The following SHLD1 variants were observed in gnomAD, a reference collection of about 807,000 sequenced individuals.
The protein encoded by SHLD1 is shieldin complex subunit 1.
In SHLD1, 3 loss-of-function variants were observed where a neutral mutation model predicts 5.5. The observed-to-expected ratio is 0.54, with a 90% CI of 0.25 to 1.40. The LOEUF (loss-of-function observed/expected upper bound fraction) is 1.40. SHLD1 is among the 40% of genes most tolerant of loss of function. The pLI is 0.15. For synonymous variants in SHLD1, 92 were observed against 94.3 expected, an observed-to-expected ratio of 0.98 and a Z score of 0.14; for missense variants, 210 against 244.4, an observed-to-expected ratio of 0.86 and a Z score of 0.94.
intron 2 of SHLD1, among the ~76,000 whole-genome samples, chr20:5,791,607 A>T (rs1477931544): frequency 1.3e-5 from 2 of 151,700 alleles, no homozygotes; most frequent in Non-Finnish European, 2.9e-5. Flanking sequence ...AAATGATAGA[A>T]CTGAAAAATA....
intron 2 of SHLD1, among the ~76,000 whole-genome samples, chr20:5,820,146 C>T (rs1041474252): frequency 6.6e-6 from 1 of 151,952 alleles, no homozygotes; most frequent in Non-Finnish European, 1.5e-5. Context: ...CAAGGTTTCA[C>T]CATGTTGGTT....
intron 2 of SHLD1, among the ~76,000 whole-genome samples, chr20:5,786,023 GAGA>G (rs927796167): frequency 1.6e-4 from 25 of 152,192 alleles, no homozygotes; most frequent in African/African-American, 6.0e-4. Context: ...ACTAATTGGA[GAGA>G]AGGTGTTGGG....
intron 2 of SHLD1, among the ~76,000 whole-genome samples, chr20:5,809,851 T>C (rs1459770936): frequency 6.6e-6 from 1 of 152,066 alleles, no homozygotes; most frequent in African/African-American, 2.4e-5. Flanking sequence ...TCTAGCCCGA[T>C]AGCGCTGAGG....
At chr20:5,849,293 A>G (rs1167139688) in intron 2 of SHLD1, among the ~76,000 whole-genome samples, 1 of 152,228 alleles carries the variant, frequency 6.6e-6, no homozygotes, top group African/African-American at 2.4e-5. Flanking sequence ...AGAGTGAATC[A>G]GGGCCAATTC....
In SHLD1 at chr20:5,755,454, C is replaced by T. The variant is rs561038771; in HGVS notation, c.-5+4975C>T. The stretch of plus-strand genomic sequence containing the variant: ...AAGTAGAACAGTTTCATCCCAAAAC[C>T]GTCCCCCCACCCCCAGTCCATGGAA... On this transcript the variant is annotated intron_variant, in intron 1 of 2. Transcript: ENST00000303142. Among the ~76,000 whole-genome samples the T allele has an allele frequency of 3.9e-5, 6 of 152,260 alleles. No individual in the cohort carries two copies. The East Asian group carries it at 7.7e-4, about 20-fold the overall frequency.
Position 5,863,592 on chromosome 20 carries a change from G to A in SHLD1, c.*129G>A. ...CCCAATCCCAATTAAGTGCTTTGAGGTTAAAGGCTGGCACCTGTGACCTGG... is the reference window on the plus strand; with the variant it reads ...CCCAATCCCAATTAAGTGCTTTGAGATTAAAGGCTGGCACCTGTGACCTGG... On this transcript the variant is annotated 3_prime_UTR_variant, in exon 3 of 3. Coordinates refer to ENST00000303142, the MANE Select transcript of SHLD1 (RefSeq NM_152504.4). The A allele has an allele frequency of 1.1e-6, 1 of 926,484 alleles. No individual in the cohort carries two copies. Among genetic ancestry groups the A allele is most frequent in the Non-Finnish European group, 1.6e-6 (1 of 625,052 alleles). 57.4% of individuals were successfully genotyped at this position (926,484 alleles called of 1,614,324 possible).
chr20:5,807,856 G>A (rs184473194), intron 2 of SHLD1, among the ~76,000 whole-genome samples: 5 of 152,270 alleles, frequency 3.3e-5, no homozygotes, highest in Non-Finnish European at 7.4e-5. Flanking sequence ...TTTGGAGGAA[G>A]GTCCCCAGGT....
chr20:5,769,346 G>C (rs1308673604), intron 1 of SHLD1, among the ~76,000 whole-genome samples: 3 of 152,170 alleles, frequency 2.0e-5, no homozygotes, highest in Non-Finnish European at 4.4e-5. Flanking sequence ...TCTCTGCTGA[G>C]AGCAATTCTT....
At chr20:5,817,432 C>CTCTCTCTCTCTCTGTGTGTG (rs1473391202) in intron 2 of SHLD1, among the ~76,000 whole-genome samples, 5 of 85,586 alleles carry the variant, frequency 5.8e-5, no homozygotes, top group African/African-American at 1.7e-4. Context: ...CTCTCTCTCT[C>CTCTCTCTCTCTCTGTGTGTG]TGTGTGTGTG....
intron 2 of SHLD1, among the ~76,000 whole-genome samples, chr20:5,858,513 A>G (rs913158017): frequency 6.6e-6 from 1 of 152,194 alleles, no homozygotes; most frequent in African/African-American, 2.4e-5. Flanking sequence ...TCCTAAATAT[A>G]TAAAAATATT....
At chr20:5,789,208 C>CTT (rs10545298) in intron 2 of SHLD1, among the ~76,000 whole-genome samples, 1 of 141,970 alleles carries the variant, frequency 7.0e-6, no homozygotes, top group Non-Finnish European at 1.5e-5. Flanking sequence ...AAAAGTTGTG[C>CTT]TTTTTTTTTT....
chr20:5,762,461 A>T (rs1038789147), intron 1 of SHLD1, among the ~76,000 whole-genome samples: 2 of 152,100 alleles, frequency 1.3e-5, no homozygotes, highest in Non-Finnish European at 2.9e-5. Flanking sequence ...GTGGGTAATG[A>T]TGTAGAGGGG....
At chr20:5,752,885 C>A (rs868157652) in intron 1 of SHLD1, among the ~76,000 whole-genome samples, 2 of 152,100 alleles carry the variant, frequency 1.3e-5, no homozygotes, top group Admixed American at 6.5e-5. Flanking sequence ...ACCTCCACCT[C>A]CTGGGTTCAA....
intron 2 of SHLD1, among the ~76,000 whole-genome samples, chr20:5,851,397 G>C (rs2088006956): frequency 6.6e-6 from 1 of 151,892 alleles, no homozygotes; most frequent in South Asian, 2.1e-4. Flanking sequence ...AGGCTGAGGT[G>C]GGAGGATCCC....
At chr20:5,808,164 C>T (rs2087407716) in intron 2 of SHLD1, among the ~76,000 whole-genome samples, 1 of 152,044 alleles carries the variant, frequency 6.6e-6, no homozygotes, top group South Asian at 2.1e-4. Flanking sequence ...CCTGTAATTC[C>T]AGCCACTCGA....
chr20:5,825,450 A>G (rs2087655259), intron 2 of SHLD1, among the ~76,000 whole-genome samples: 1 of 152,248 alleles, frequency 6.6e-6, no homozygotes, highest in Non-Finnish European at 1.5e-5. Flanking sequence ...CATAGGTCTG[A>G]CTAGGGAGCA....
chr20:5,773,786 A>T (rs2122245348), intron 2 of SHLD1, among the ~76,000 whole-genome samples: 1 of 152,256 alleles, frequency 6.6e-6, no homozygotes, highest in East Asian at 1.9e-4. Context: ...AGTCGTCTAC[A>T]AAATGGTGAT....
intron 2 of SHLD1, among the ~76,000 whole-genome samples, chr20:5,853,042 G>A (rs16990795): frequency 0.12 from 17,927 of 152,148 alleles, 1,155 homozygotes; most frequent in African/African-American, 0.16. Context: ...GTGTATTAAA[G>A]GTTTATTATG....
At chr20:5,815,895 A>G (rs949719790) in intron 2 of SHLD1, among the ~76,000 whole-genome samples, 2 of 152,190 alleles carry the variant, frequency 1.3e-5, no homozygotes, top group Admixed American at 6.5e-5. Flanking sequence ...AGTCTGGCCA[A>G]CATGGCAAAA....
Sources: gnomAD v4.1 joint callset for allele counts (sites outside exome capture counted in the v4.1 genomes callset) on GRCh38, gnomAD v4.1.1 for gene constraint, MANE v1.5 for transcripts, NCBI Gene and HGNC (gene_info 2026-07-23, HGNC 2026-07-21) for gene names.